Variants in GPC6 observed in about 807,000 individuals in gnomAD.
GPC6 encodes the protein glypican-6.
Under a neutral mutation model 55.2 loss-of-function variants are expected in GPC6, and 14 were observed. The observed-to-expected ratio is 0.25, with a 90% CI of 0.17 to 0.40. The LOEUF (loss-of-function observed/expected upper bound fraction) is 0.40, where lower values mean the gene tolerates loss of function less well. Among genes scored for constraint, GPC6 ranks in the 10% least tolerant of loss-of-function variants. The pLI is 1.00. For synonymous variants in GPC6, 278 were observed against 259.6 expected (o/e 1.07, Z -0.68); for missense variants, 641 against 708.5 (o/e 0.90, Z 1.08).
chr13:93,540,901 C>T (rs1222613154), intron 1 of GPC6, among the ~76,000 whole-genome samples: 2 of 152,128 alleles, frequency 1.3e-5, no homozygotes, highest in African/African-American at 4.8e-5. Flanking sequence ...TCCAAGAGAT[C>T]CTTTTTTTAG....
At chr13:93,991,157 A>G (rs1390942388) in intron 3 of GPC6, among the ~76,000 whole-genome samples, 3 of 152,094 alleles carry the variant, frequency 2.0e-5, no homozygotes, top group African/African-American at 7.2e-5. Context: ...TTAAGAACTC[A>G]ATATAGAACA....
chr13:94,068,156 G>A (rs1397029094), intron 4 of GPC6, among the ~76,000 whole-genome samples: 2 of 152,202 alleles, frequency 1.3e-5, no homozygotes, highest in Non-Finnish European at 2.9e-5. Context: ...GTTCCACATG[G>A]CTGGGGAGGC....
At chr13:93,557,510 GTTC>G in intron 2 of GPC6, among the ~76,000 whole-genome samples, 1 of 152,280 alleles carries the variant, frequency 6.6e-6, no homozygotes, top group East Asian at 1.9e-4. Context: ...TGTTTAAAAT[GTTC>G]TTCTTGACCA....
At chr13:93,536,697 C>T (rs1032924463) in intron 1 of GPC6, among the ~76,000 whole-genome samples, 2 of 152,166 alleles carry the variant, frequency 1.3e-5, no homozygotes, top group African/African-American at 2.4e-5. Context: ...TTGAACAACA[C>T]CAATTTCACC....
At chr13:94,302,739 G>C (rs1166463852) in intron 5 of GPC6, among the ~76,000 whole-genome samples, 1 of 152,204 alleles carries the variant, frequency 6.6e-6, no homozygotes, top group Non-Finnish European at 1.5e-5. Context: ...CTTGCGCCCA[G>C]AGCTCCCAAG....
At chr13:93,269,644 G>T (rs188620133) in intron 1 of GPC6, among the ~76,000 whole-genome samples, 8 of 151,998 alleles carry the variant, frequency 5.3e-5, no homozygotes, top group Admixed American at 2.6e-4. Context: ...ATTTGTGGTA[G>T]GCCGGACACG....
chr13:94,039,959 CAT>C (rs1404370911), intron 4 of GPC6, among the ~76,000 whole-genome samples: 1 of 151,912 alleles, frequency 6.6e-6, no homozygotes, highest in Admixed American at 6.6e-5. Context: ...GAATGCTTAA[CAT>C]AATGATTTAA....
At chr13:93,919,145 T>C (rs1340673213) in intron 3 of GPC6, among the ~76,000 whole-genome samples, 1 of 152,148 alleles carries the variant, frequency 6.6e-6, no homozygotes, top group Non-Finnish European at 1.5e-5. Flanking sequence ...GCTCTTGCCT[T>C]GTCATGACTG....
chr13:94,365,171 G>A (rs768877836), intron 6 of GPC6, among the ~76,000 whole-genome samples: 3 of 152,144 alleles, frequency 2.0e-5, no homozygotes, highest in African/African-American at 2.4e-5. Context: ...AAAACCAAAC[G>A]GATCTCTGTG....
At chr13:94,283,293 C>G (rs1016574989) in intron 4 of GPC6, among the ~76,000 whole-genome samples, 2 of 152,232 alleles carry the variant, frequency 1.3e-5, no homozygotes, top group Non-Finnish European at 2.9e-5. Flanking sequence ...ATTGTGCCTA[C>G]CACCACTGAG....
intron 4 of GPC6, among the ~76,000 whole-genome samples, chr13:94,277,403 T>C (rs1892249277): frequency 1.3e-5 from 2 of 152,212 alleles, no homozygotes; most frequent in Non-Finnish European, 2.9e-5. Flanking sequence ...TGATGATAGT[T>C]TCTTTTGCTG....
intron 6 of GPC6, among the ~76,000 whole-genome samples, chr13:94,314,720 C>CA (rs1159434879): frequency 6.6e-6 from 1 of 152,204 alleles, no homozygotes; most frequent in Non-Finnish European, 1.5e-5. Flanking sequence ...ATTTGCACCA[C>CA]AACTCCCAAA....
At chr13:93,384,207 T>C (rs913329530) in intron 1 of GPC6, among the ~76,000 whole-genome samples, 6 of 152,160 alleles carry the variant, frequency 3.9e-5, no homozygotes, top group African/African-American at 1.4e-4. Flanking sequence ...TTGATATTTA[T>C]TCAGATATCT....
At chr13:94,391,147 A>G (rs2139218516) in intron 7 of GPC6, among the ~76,000 whole-genome samples, 1 of 152,312 alleles carries the variant, frequency 6.6e-6, no homozygotes, top group East Asian at 1.9e-4. Context: ...TCCCCAAACC[A>G]TTTCCTGCCT....
intron 5 of GPC6, among the ~76,000 whole-genome samples, chr13:94,297,170 G>A (rs1349123240): frequency 5.9e-5 from 9 of 151,968 alleles, no homozygotes; most frequent in South Asian, 2.1e-4. Context: ...TGGGTGTTCC[G>A]TCACACTTCT....
chr13:94,272,463 C>CTTTTTTTTTTTTTTTTTTTTT (rs555664508), intron 4 of GPC6, among the ~76,000 whole-genome samples: 21 of 85,742 alleles, frequency 2.4e-4, no homozygotes, highest in Admixed American at 4.0e-4. Flanking sequence ...CTTTTCTTTT[C>CTTTTTTTTTTTTTTTTTTTTT]TTTTTTTTTT....
rs1885066201 is a variant in GPC6, at chr13:94,080,636, C to A, written c.877+52742C>A. 2.0e-5 allele frequency among the ~76,000 whole-genome samples: 3 copies of A among 152,044 alleles called. No individual in the cohort carries two copies. The South Asian group carries it at 6.2e-4, about 32-fold the overall frequency. ...TCACAGTTCTGGAGGCTGGCAAATT[C>A]AAGATTAAGGTGCCAGCTGACTTAA... On this transcript the variant is annotated intron_variant, in intron 4 of 8. Coordinates refer to ENST00000377047, the MANE Select transcript of GPC6 (RefSeq NM_005708.5).
chr13:94,015,004 A>G (rs761217495), intron 3 of GPC6, among the ~76,000 whole-genome samples: 19 of 152,184 alleles, frequency 1.2e-4, no homozygotes, highest in Admixed American at 2.6e-4. Flanking sequence ...CATTTGTGCA[A>G]AAGTTTTTTG....
chr13:93,341,193 C>T (rs541871321), intron 1 of GPC6, among the ~76,000 whole-genome samples: 2 of 152,228 alleles, frequency 1.3e-5, no homozygotes, highest in Admixed American at 6.5e-5. Context: ...TTTACAATTG[C>T]GAATTGTGTG....
Sources: allele counts gnomAD v4.1 joint callset (sites outside exome capture counted in the v4.1 genomes callset), GRCh38; gene constraint gnomAD v4.1.1; transcripts MANE v1.5; gene names NCBI Gene and HGNC (gene_info 2026-07-23, HGNC 2026-07-21).